Variants in GATA4 observed in about 807,000 individuals in gnomAD.
The protein encoded by GATA4 is transcription factor GATA-4.
In GATA4, 7 loss-of-function variants were observed where a neutral mutation model predicts 37.9. The ratio of observed to expected loss-of-function variants is 0.18; its 90% confidence interval spans 0.11 to 0.35. The LOEUF (loss-of-function observed/expected upper bound fraction) is 0.35. GATA4 is among the 10% of genes least tolerant of loss of function. The pLI is 1.00. For missense variants in GATA4, 647 were observed against 653.0 expected, an observed-to-expected ratio of 0.99 and a Z score of 0.10; for synonymous variants, 372 against 292.6, an observed-to-expected ratio of 1.27 and a Z score of -2.77.
At chr8:11,697,915 C>A in intron 1 of GATA4, 1 of 985,500 alleles carries the variant, frequency 1.0e-6, no homozygotes, top group Non-Finnish European at 1.2e-6. Flanking sequence ...GGGGGACCCA[C>A]CAGTCCCCTG....
chr8:11,695,829 C>T (rs940057101), intron 1 of GATA4, among the ~76,000 whole-genome samples: 1 of 152,228 alleles, frequency 6.6e-6, no homozygotes, highest in African/African-American at 2.4e-5. Context: ...TTGTGCCATA[C>T]ATGCTCAAGA....
chr8:11,698,008 G>A (rs1799557190), intron 1 of GATA4: 4 of 985,464 alleles, frequency 4.1e-6, no homozygotes, highest in South Asian at 4.7e-5. Flanking sequence ...CGGGAGCTGG[G>A]CAAGAGGAGC....
chr8:11,751,948 G>A (rs1368264519), intron 4 of GATA4, among the ~76,000 whole-genome samples: 1 of 152,154 alleles, frequency 6.6e-6, no homozygotes, highest in African/African-American at 2.4e-5. Flanking sequence ...TGGGAAACTA[G>A]CCTATAAAAA....
chr8:11,697,470 G>C (rs922882896), intron 1 of GATA4: 4 of 772,368 alleles, frequency 5.2e-6, no homozygotes, highest in Non-Finnish European at 6.3e-6. Flanking sequence ...CTGGGGAAGC[G>C]GTGTTCGGAG....
At chr8:11,702,416 A>G (rs1777195647), upstream of GATA4, among the ~76,000 whole-genome samples, 3 of 151,796 alleles carry the variant, frequency 2.0e-5, no homozygotes, top group Admixed American at 2.0e-4. The surrounding 1 kb of genome is among the most constrained non-coding windows in gnomAD (Gnocchi z 4.4). Context: ...TCCACTCTCC[A>G]GGAAGGCCTT....
chr8:11,697,739 C>T, intron 1 of GATA4: 8 of 985,478 alleles, frequency 8.1e-6, no homozygotes, highest in Non-Finnish European at 9.6e-6. Flanking sequence ...TCTCTGCTCG[C>T]CGCGCCAGGT....
intron 2 of GATA4, among the ~76,000 whole-genome samples, chr8:11,718,024 C>G (rs1164674778): frequency 6.6e-6 from 1 of 152,236 alleles, no homozygotes; most frequent in Non-Finnish European, 1.5e-5. Flanking sequence ...AAATCTATAA[C>G]TGACCCTCTG....
intron 1 of GATA4, among the ~76,000 whole-genome samples, chr8:11,685,565 C>A (rs1005337357): frequency 6.6e-5 from 10 of 152,196 alleles, no homozygotes; most frequent in Non-Finnish European, 1.5e-4. Context: ...ACTCAATGGA[C>A]TCAAAACTCC....
rs1034463317 is a variant in GATA4, at chr8:11,709,163, G to C, written c.616+235G>C. ...TGCCCGCCGGGGCCTCTTCTGAGATGGTGTCAGGGTCGGAGTGCGGCCTCC... is the reference window on the plus strand; with the variant it reads ...TGCCCGCCGGGGCCTCTTCTGAGATCGTGTCAGGGTCGGAGTGCGGCCTCC... On this transcript the variant is annotated intron_variant, in intron 2 of 6. Coordinates refer to ENST00000532059, the MANE Select transcript of GATA4 (RefSeq NM_001308093.3). The surrounding 1 kb of genome is among the most constrained non-coding windows in gnomAD (Gnocchi z 4.3). Among the ~76,000 whole-genome samples the C allele has an allele frequency of 2.3e-4, 35 of 152,328 alleles. 1 individual carries two copies. Among genetic ancestry groups the C allele is most frequent in the Admixed American group, 2.1e-3 (32 of 15,314 alleles).
At chr8:11,723,553 G>A (rs1335063948) in intron 2 of GATA4, among the ~76,000 whole-genome samples, 1 of 152,146 alleles carries the variant, frequency 6.6e-6, no homozygotes, top group Non-Finnish European at 1.5e-5. Flanking sequence ...GCCAGGCCTG[G>A]ATTTGGCCAT....
chr8:11,754,985 C>A, intron 4 of GATA4, 61 bp from the exon 5 acceptor site: 2 of 1,344,886 alleles, frequency 1.5e-6, no homozygotes, highest in Non-Finnish European at 2.1e-6. Flanking sequence ...GTGTGTCTTT[C>A]AATGCTGTAG....
chr8:11,750,896 C>T (rs774490021), intron 4 of GATA4, among the ~76,000 whole-genome samples: 1 of 151,618 alleles, frequency 6.6e-6, no homozygotes, highest in Non-Finnish European at 1.5e-5. Flanking sequence ...GCAGTGAGCT[C>T]TGATTGTCCC....
At chr8:11,704,942 C>T (rs1799826355) in intron 1 of GATA4, among the ~76,000 whole-genome samples, 2 of 152,252 alleles carry the variant, frequency 1.3e-5, no homozygotes, top group South Asian at 4.1e-4. Context: ...GCTGCTTCTA[C>T]CTGAAACTGG....
Position 11,708,837 on chromosome 8 carries a change from A to AGCCGCC in GATA4, c.532_537dup (p.Ala178_Ala179dup), listed in dbSNP as rs766802125. ...CCGACGTGGGCGCGTCCTGGGCCGC[A>AGCCGCC]GCCGCCGCCGCCTCCGCCGGCCCCT... On this transcript the variant is annotated inframe_insertion, in exon 2 of 7. Coordinates refer to ENST00000532059, the MANE Select transcript of GATA4 (RefSeq NM_001308093.3). The surrounding 1 kb of genome is among the most constrained non-coding windows in gnomAD (Gnocchi z 6.7). The AGCCGCC allele has an allele frequency of 2.0e-6, 3 of 1,495,248 alleles. No individual in the cohort carries two copies. The highest frequency in any genetic ancestry group is 1.2e-5 in the South Asian group (1 of 80,150). The allele number at this position is 1,495,248 out of a possible 1,614,324, so 92.6% of individuals were successfully genotyped here.
chr8:11,701,006 T>A (rs1362831620), upstream of GATA4, among the ~76,000 whole-genome samples: 4 of 152,140 alleles, frequency 2.6e-5, no homozygotes, highest in Non-Finnish European at 5.9e-5. Flanking sequence ...GCATCCACCG[T>A]TTATTTTTAT....
chr8:11,680,309 G>T (rs1025127998), intron 1 of GATA4, among the ~76,000 whole-genome samples: 1 of 152,248 alleles, frequency 6.6e-6, no homozygotes, highest in South Asian at 2.1e-4. Flanking sequence ...AGGCTCGGAA[G>T]ATCCCCGCGG....
chr8:11,716,126 A>C (rs1163654956), intron 2 of GATA4, among the ~76,000 whole-genome samples: 2 of 152,190 alleles, frequency 1.3e-5, no homozygotes, highest in African/African-American at 4.8e-5. Flanking sequence ...ATGGATGGAC[A>C]CCTGAGTTGC....
At chr8:11,756,403 C>CGGTGG in intron 5 of GATA4, 1 of 192,680 alleles carries the variant, frequency 5.2e-6, no homozygotes, top group South Asian at 9.4e-5. Context: ...CTTATTTCCT[C>CGGTGG]TCACGTAGCA....
intron 4 of GATA4, among the ~76,000 whole-genome samples, chr8:11,750,622 A>G (rs1056291627): frequency 2.6e-5 from 4 of 152,112 alleles, no homozygotes; most frequent in African/African-American, 9.7e-5. Flanking sequence ...TATTACATGT[A>G]AAACATCTTT....
Sources: allele counts gnomAD v4.1 joint callset (sites outside exome capture counted in the v4.1 genomes callset), GRCh38; gene constraint gnomAD v4.1.1; non-coding constraint Gnocchi (gnomAD v3.1); transcripts MANE v1.5; gene names NCBI Gene and HGNC (gene_info 2026-07-23, HGNC 2026-07-21).